Variants in LY86 observed in about 807,000 individuals in gnomAD.
LY86 encodes the protein MD-1, RP105-associated.
In LY86, 20 loss-of-function variants were observed where a neutral mutation model predicts 17.3. The ratio of observed to expected loss-of-function variants is 1.15; its 90% CI spans 0.81 to 1.68. The LOEUF (loss-of-function observed/expected upper bound fraction) is 1.68. Ranked by LOEUF, LY86 falls within the 40% of genes most tolerant of loss-of-function variation. The probability of loss-of-function intolerance (pLI) is 0.00; values close to 1 mark genes in which losing one functional copy is unlikely to be tolerated. For synonymous variants in LY86, 74 were observed against 70.6 expected, an observed-to-expected ratio of 1.05 and a Z score of -0.24; for missense variants, 200 against 191.9, an observed-to-expected ratio of 1.04 and a Z score of -0.25.
At chr6:6,606,941 T>C (rs1761181121) in intron 1 of LY86, among the ~76,000 whole-genome samples, 1 of 152,208 alleles carries the variant, frequency 6.6e-6, no homozygotes, top group Non-Finnish European at 1.5e-5. Context: ...GAGGAGGCGC[T>C]GAGAGCGAGT....
chr6:6,618,066 C>A (rs1331325011), intron 1 of LY86, among the ~76,000 whole-genome samples: 1 of 152,186 alleles, frequency 6.6e-6, no homozygotes, highest in Non-Finnish European at 1.5e-5. Context: ...GTCTTGAACT[C>A]CTCACCTCAG....
intron 1 of LY86, among the ~76,000 whole-genome samples, chr6:6,604,222 G>C (rs1451046927): frequency 6.6e-6 from 1 of 151,898 alleles, no homozygotes; most frequent in South Asian, 2.1e-4. Context: ...AAAAGACAAG[G>C]AAATAAACCA....
chr6:6,654,158 A>G (rs1201747407), intron 4 of LY86, among the ~76,000 whole-genome samples: 1 of 151,998 alleles, frequency 6.6e-6, no homozygotes, highest in Non-Finnish European at 1.5e-5. Context: ...CCCAGCCCAT[A>G]GCAGCACTGC....
intron 1 of LY86, among the ~76,000 whole-genome samples, chr6:6,599,762 T>C (rs1760840093): frequency 6.6e-6 from 1 of 152,154 alleles, no homozygotes; most frequent in Non-Finnish European, 1.5e-5. Context: ...TGCCTCCTTG[T>C]TTAGAAAAGG....
At chr6:6,593,818 G>A (rs950351843) in intron 1 of LY86, among the ~76,000 whole-genome samples, 10 of 152,316 alleles carry the variant, frequency 6.6e-5, no homozygotes, top group East Asian at 3.9e-4. Context: ...ACTCAAACCC[G>A]CTGTTTCTCA....
intron 1 of LY86, among the ~76,000 whole-genome samples, chr6:6,623,788 A>C (rs1255135917): frequency 6.6e-6 from 1 of 152,210 alleles, no homozygotes; most frequent in Non-Finnish European, 1.5e-5. Flanking sequence ...TAGCTCTCCT[A>C]TCTCCAGTCC....
intron 3 of LY86, among the ~76,000 whole-genome samples, chr6:6,642,890 C>T (rs1698258324): frequency 6.6e-6 from 1 of 152,208 alleles, no homozygotes; most frequent in East Asian, 1.9e-4. Context: ...AGACGATGCT[C>T]TTGGTTGGTC....
At chr6:6,652,385 T>C (rs1459062136) in intron 4 of LY86, among the ~76,000 whole-genome samples, 1 of 152,096 alleles carries the variant, frequency 6.6e-6, no homozygotes. Context: ...CTCCTCCAGC[T>C]AAATCCTCCA....
intron 1 of LY86, among the ~76,000 whole-genome samples, chr6:6,600,502 A>T (rs1760866851): frequency 6.8e-6 from 1 of 147,148 alleles, no homozygotes; most frequent in Non-Finnish European, 1.5e-5. Context: ...AGGCAGGGGA[A>T]TCGCTTGAAC....
At chr6:6,607,040 G>C (rs879873028) in intron 1 of LY86, among the ~76,000 whole-genome samples, 9 of 152,398 alleles carry the variant, frequency 5.9e-5, no homozygotes, top group Admixed American at 4.6e-4. Flanking sequence ...GGGATTGCAC[G>C]GGACGTGAAC....
intron 1 of LY86, among the ~76,000 whole-genome samples, chr6:6,616,335 T>A (rs898053736): frequency 2.0e-5 from 3 of 152,232 alleles, no homozygotes; most frequent in Admixed American, 2.0e-4. Flanking sequence ...GCTCTGCTTC[T>A]GTCTTCTGTC....
intron 3 of LY86, among the ~76,000 whole-genome samples, chr6:6,627,472 C>A (rs1204090713): frequency 6.6e-6 from 1 of 152,198 alleles, no homozygotes; most frequent in Non-Finnish European, 1.5e-5. Context: ...GCTGCCTCAC[C>A]ACCCTCGCCA....
rs541865216 is a variant in LY86 at position 6,616,776 on chromosome 6, G to A, written c.137-8150G>A. Among the ~76,000 whole-genome samples the A allele has an allele frequency of 1.7e-4, 26 of 152,300 alleles. 1 individual carries two copies. The South Asian group carries it at 4.8e-3, about 28-fold the overall frequency. On this transcript the variant is annotated intron_variant, in intron 1 of 4. Coordinates refer to ENST00000230568, the MANE Select transcript of LY86 (RefSeq NM_004271.4). The stretch of plus-strand genomic sequence containing the variant: ...AGGGAATTCCTTTTCAGCATTTGCG[G>A]CATGTCAAGAAAAGTCCCAGAGATC...
intron 1 of LY86, among the ~76,000 whole-genome samples, chr6:6,623,837 C>CAAACA (rs577311843): frequency 8.1e-4 from 123 of 152,274 alleles, no homozygotes; most frequent in African/African-American, 2.8e-3. Context: ...GAAAGCAAAA[C>CAAACA]AAACAAAACA....
At chr6:6,597,680 C>A (rs1760757886) in intron 1 of LY86, among the ~76,000 whole-genome samples, 1 of 152,188 alleles carries the variant, frequency 6.6e-6, no homozygotes, top group Admixed American at 6.5e-5. Context: ...ACGTCAGCAT[C>A]CACCAGCCCC....
chr6:6,606,428 G>A (rs940095799), intron 1 of LY86, among the ~76,000 whole-genome samples: 3 of 152,226 alleles, frequency 2.0e-5, no homozygotes, highest in Non-Finnish European at 4.4e-5. Context: ...TCCTGCACCT[G>A]GGCGGCAGGT....
chr6:6,605,725 T>C (rs1761101954), intron 1 of LY86, among the ~76,000 whole-genome samples: 1 of 152,230 alleles, frequency 6.6e-6, no homozygotes, highest in African/African-American at 2.4e-5. Flanking sequence ...GCGGTGAGTG[T>C]TACAGTTCTT....
intron 1 of LY86, among the ~76,000 whole-genome samples, chr6:6,593,215 G>A (rs1402867935): frequency 2.0e-5 from 3 of 152,240 alleles, no homozygotes; most frequent in Non-Finnish European, 4.4e-5. Flanking sequence ...TTTCCAGCTT[G>A]TATAGGTGCA....
At chr6:6,613,457 G>A (rs928698662) in intron 1 of LY86, among the ~76,000 whole-genome samples, 13 of 152,300 alleles carry the variant, frequency 8.5e-5, no homozygotes, top group Middle Eastern at 3.4e-3. Context: ...GCCAAGGCCC[G>A]GTGAGAAATC....
Sources: gnomAD v4.1 joint callset for allele counts (sites outside exome capture counted in the v4.1 genomes callset) on GRCh38, gnomAD v4.1.1 for gene constraint, MANE v1.5 for transcripts, NCBI Gene and HGNC (gene_info 2026-07-23, HGNC 2026-07-21) for gene names.